The following ALK variants were observed in gnomAD, a reference collection of about 807,000 sequenced individuals.
ALK encodes the protein ALK receptor tyrosine kinase, also known as ALK tyrosine kinase receptor.
ALK carries 74 observed loss-of-function variants against 163.1 expected under a neutral mutation model. The observed-to-expected ratio is 0.45, with a 90% CI of 0.38 to 0.55. ALK has a LOEUF of 0.55. Ranked by LOEUF, ALK falls within the 20% of genes least tolerant of loss-of-function variation. ALK has a pLI of 0.00. For missense variants in ALK, 2,063 were observed against 2,105.3 expected (o/e 0.98, Z 0.39); for synonymous variants, 960 against 843.2 (o/e 1.14, Z -2.40).
chr2:29,194,049 T>C (rs1668962344), intron 28 of ALK, 127 bp from the exon 29 acceptor site: 1 of 960,972 alleles, frequency 1.0e-6, no homozygotes, highest in South Asian at 1.5e-5. Flanking sequence ...ATTGAGAATA[T>C]AGTAACTTAC....
rs57619106 is a variant in ALK, at chr2:29,789,015, C to CTGTGTGTGTGTGTGTGTGTGTGTG, written c.668-71342_668-71319dup. Among the ~76,000 whole-genome samples, 108 of 125,482 alleles carry CTGTGTGTGTGTGTGTGTGTGTGTG rather than the reference C, an allele frequency of 8.6e-4. 4 individuals carry two copies. The highest frequency in any genetic ancestry group is 1.2e-3 in the Non-Finnish European group (69 of 59,084). 82.3% of individuals were successfully genotyped at this position (125,482 alleles called of 152,430 possible). The stretch of plus-strand genomic sequence containing the variant: ...TAAAAACATGCTCCATCCTGGTACA[C>CTGTGTGTGTGTGTGTGTGTGTGTG]TGTGTGTGTGTGTGTGTGTGTGTGT... On this transcript the variant is annotated intron_variant, in intron 1 of 28. Transcript: ENST00000389048.
chr2:29,719,301 T>C (rs555112702), intron 1 of ALK, among the ~76,000 whole-genome samples: 3 of 152,354 alleles, frequency 2.0e-5, no homozygotes, highest in South Asian at 2.1e-4. Flanking sequence ...TAGAACTGAA[T>C]TGATTTGTGC....
intron 1 of ALK, among the ~76,000 whole-genome samples, chr2:29,846,037 T>A (rs1488887391): frequency 6.6e-6 from 1 of 152,210 alleles, no homozygotes; most frequent in Non-Finnish European, 1.5e-5. Flanking sequence ...GGCCCATACA[T>A]CTGGCCCATG....
intron 5 of ALK, among the ~76,000 whole-genome samples, chr2:29,336,977 A>T (rs1473123793): frequency 6.6e-6 from 1 of 152,130 alleles, no homozygotes; most frequent in Non-Finnish European, 1.5e-5. Context: ...GACTCAGGTC[A>T]AACCTGGGGC....
chr2:29,785,480 G>A (rs1488232570), intron 1 of ALK, among the ~76,000 whole-genome samples: 3 of 152,174 alleles, frequency 2.0e-5, no homozygotes, highest in Non-Finnish European at 2.9e-5. Context: ...CCTACCTTCT[G>A]TTAAATAGAA....
chr2:29,850,550 G>A (rs867970596), intron 1 of ALK, among the ~76,000 whole-genome samples: 2 of 152,162 alleles, frequency 1.3e-5, no homozygotes, highest in African/African-American at 4.8e-5. Context: ...AATTCTCATT[G>A]GCAACTGCAG....
At chr2:29,680,904 CT>C (rs1253631686) in intron 3 of ALK, 4 of 152,034 alleles carry the variant, frequency 2.6e-5, no homozygotes, top group African/African-American at 4.8e-5. Flanking sequence ...AGTTTTGTTT[CT>C]TCATTTAGTA....
intron 3 of ALK, among the ~76,000 whole-genome samples, chr2:29,606,619 G>A (rs1008551470): frequency 6.6e-6 from 1 of 152,198 alleles, no homozygotes; most frequent in African/African-American, 2.4e-5. Flanking sequence ...AACTACTATG[G>A]CTTTCAGGCC....
chr2:29,397,172 G>A (rs1306072977), intron 4 of ALK, among the ~76,000 whole-genome samples: 1 of 152,032 alleles, frequency 6.6e-6, no homozygotes, highest in Admixed American at 6.6e-5. Context: ...TCTTTATAAA[G>A]GTAATCAAGT....
At chr2:29,496,296 A>G (rs1020825065) in intron 4 of ALK, among the ~76,000 whole-genome samples, 2 of 152,222 alleles carry the variant, frequency 1.3e-5, no homozygotes, top group African/African-American at 4.8e-5. Context: ...TCTTATAAAA[A>G]TGTACTGCCT....
intron 3 of ALK, among the ~76,000 whole-genome samples, chr2:29,674,339 A>G (rs1036850459): frequency 2.0e-4 from 30 of 151,676 alleles, no homozygotes; most frequent in Admixed American, 7.2e-4. Context: ...ATTATTTTGA[A>G]ATACGTCCCA....
At chr2:29,643,538 C>T (rs1443121446) in intron 3 of ALK, among the ~76,000 whole-genome samples, 1 of 152,062 alleles carries the variant, frequency 6.6e-6, no homozygotes, top group Non-Finnish European at 1.5e-5. Context: ...GAGAATTGGA[C>T]ACTGAAAACC....
chr2:29,786,637 G>T (rs567470990), intron 1 of ALK, among the ~76,000 whole-genome samples: 1 of 152,322 alleles, frequency 6.6e-6, no homozygotes, highest in African/African-American at 2.4e-5. Context: ...TGTAGTCCCC[G>T]ACTGTAGGAG....
At chr2:29,337,984 G>A (rs891507209) in intron 5 of ALK, among the ~76,000 whole-genome samples, 5 of 152,324 alleles carry the variant, frequency 3.3e-5, no homozygotes, top group Admixed American at 3.3e-4. Flanking sequence ...CAAGATTTAT[G>A]TGAGGATGAA....
At chr2:29,325,258 T>A (rs1667217455) in intron 6 of ALK, among the ~76,000 whole-genome samples, 2 of 152,294 alleles carry the variant, frequency 1.3e-5, no homozygotes, top group South Asian at 4.2e-4. Flanking sequence ...AGGAAACATT[T>A]TAACAGGTTC....
intron 3 of ALK, among the ~76,000 whole-genome samples, chr2:29,617,201 G>A (rs1439769803): frequency 6.6e-6 from 1 of 152,156 alleles, no homozygotes; most frequent in East Asian, 1.9e-4. Context: ...AGATGTCAAA[G>A]CTATGAGGAA....
intron 3 of ALK, among the ~76,000 whole-genome samples, chr2:29,601,366 T>C (rs1328704251): frequency 1.3e-5 from 2 of 152,200 alleles, no homozygotes; most frequent in Non-Finnish European, 1.5e-5. Flanking sequence ...CAGGGGATAA[T>C]CATGTGTCCT....
chr2:29,873,563 G>C (rs1298942884), intron 1 of ALK, among the ~76,000 whole-genome samples: 1 of 152,122 alleles, frequency 6.6e-6, no homozygotes, highest in Non-Finnish European at 1.5e-5. Context: ...AAAATCAGTG[G>C]AGCAAACCAA....
intron 3 of ALK, among the ~76,000 whole-genome samples, chr2:29,535,669 G>A (rs1327298125): frequency 1.3e-5 from 2 of 152,074 alleles, no homozygotes; most frequent in Non-Finnish European, 2.9e-5. Flanking sequence ...GACTAAACCT[G>A]GAATCAGAAG....
Sources: gnomAD v4.1 joint callset for allele counts (sites outside exome capture counted in the v4.1 genomes callset) on GRCh38, gnomAD v4.1.1 for gene constraint, MANE v1.5 for transcripts, NCBI Gene and HGNC (gene_info 2026-07-23, HGNC 2026-07-21) for gene names.